MEGF8: variants seen among roughly 807,000 people sequenced by gnomAD.
MEGF8 encodes multiple epidermal growth factor-like domains protein 8.
Under a neutral mutation model 302.9 loss-of-function variants are expected in MEGF8, and 156 were observed. That is an observed-to-expected ratio of 0.52 (90% confidence interval 0.45 to 0.59). The LOEUF is 0.59. MEGF8 is among the 20% of genes least tolerant of loss of function. The pLI is 0.00. For synonymous variants in MEGF8, 1,621 were observed against 1,660.5 expected, an observed-to-expected ratio of 0.98 and a Z score of 0.58; for missense variants, 3,345 against 3,964.5, an observed-to-expected ratio of 0.84 and a Z score of 4.20.
chr19:42,355,045 C>T (rs1338202866), intron 23 of MEGF8, among the ~76,000 whole-genome samples: 1 of 152,142 alleles, frequency 6.6e-6, no homozygotes, highest in Non-Finnish European at 1.5e-5. Flanking sequence ...CAACTTCTGC[C>T]TCCTGGGCTC....
At position 42,335,291 on chromosome 19, in the gene MEGF8, C is replaced by G; in HGVS notation, c.740-6C>G. 6.2e-7 allele frequency: 1 copy of G among 1,614,050 alleles called. No homozygotes were observed. The highest frequency in any genetic ancestry group is 8.5e-7 in the Non-Finnish European group (1 of 1,179,888). On this transcript the variant is annotated splice_region_variant and splice_polypyrimidine_tract_variant and intron_variant, in intron 4 of 41. Coordinates refer to ENST00000251268, the MANE Select transcript of MEGF8 (RefSeq NM_001271938.2). ...CCAGGGCATGAGACTATCCACCCCTCCACAGGCCAGGACCTCAACAATGCC... is the reference window on the plus strand; with the variant it reads ...CCAGGGCATGAGACTATCCACCCCTGCACAGGCCAGGACCTCAACAATGCC...
intron 1 of MEGF8, among the ~76,000 whole-genome samples, chr19:42,330,984 G>A (rs1412410667): frequency 6.6e-6 from 1 of 152,198 alleles, no homozygotes; most frequent in Non-Finnish European, 1.5e-5. Context: ...TCCTAGGGTG[G>A]TAGGGAGCCA....
Position 42,353,614 on chromosome 19 carries a change from C to G in MEGF8, c.3700C>G (p.Gln1234Glu), listed in dbSNP as rs1219460439. 4 of 1,587,898 alleles carry G rather than the reference C, an allele frequency of 2.5e-6. No individual in the cohort carries two copies. Among genetic ancestry groups the G allele is most frequent in the Non-Finnish European group, 3.4e-6 (4 of 1,166,710 alleles). ...CDNLSGLCFC[Q>E]DHTEGAHCQL... is the part of the protein sequence containing the mutation. ...CAACCTCAGTGGGCTCTGCTTCTGC[C>G]AGGACCACACCGAGGGTGCCCACTG... Residue 1234 changes from glutamine to glutamate, a missense_variant, in exon 21 of 42, where the codon CAG becomes GAG. Physicochemically the swap from Gln to Glu is conservative, Grantham distance 29. Coordinates refer to ENST00000251268, the MANE Select transcript of MEGF8 (RefSeq NM_001271938.2). The surrounding 1 kb of genome is among the most constrained non-coding windows in gnomAD (Gnocchi z 6.1).
At chr19:42,340,566 T>C (rs906909731) in intron 8 of MEGF8, among the ~76,000 whole-genome samples, 26 of 152,190 alleles carry the variant, frequency 1.7e-4, no homozygotes, top group Middle Eastern at 3.4e-3. Flanking sequence ...GGGGTTTCAC[T>C]GTGTTGACCT....
chr19:42,371,364 G>T lies in MEGF8; in HGVS notation c.7151G>T (p.Gly2384Val), dbSNP rs1477205635. Residue 2384 changes from glycine (G) to valine (V), a missense_variant, in exon 41 of 42, where the codon GGC becomes GTC. Physicochemically the swap from Gly to Val is moderately radical, Grantham distance 109. Coordinates refer to ENST00000251268, the MANE Select transcript of MEGF8 (RefSeq NM_001271938.2). ...DGKCTKCQCNGHADTCNEQDG... is the reference protein window; with the variant it reads ...DGKCTKCQCNVHADTCNEQDG... Reference sequence around the variant, plus strand: ...TTCTTCCCCAGATGCCAGTGTAATGGCCACGCGGACACATGTAACGAGCAG... The same window carrying T: ...TTCTTCCCCAGATGCCAGTGTAATGTCCACGCGGACACATGTAACGAGCAG... 2 of 1,613,862 alleles carry T rather than the reference G, an allele frequency of 1.2e-6. No individual in the cohort carries two copies. The highest frequency in any genetic ancestry group is 1.7e-6 in the Non-Finnish European group (2 of 1,179,836).
At position 42,369,041 on chromosome 19, in the gene MEGF8, G is replaced by A. The variant is rs754479243; in HGVS notation, c.6641+39G>A. The A allele has an allele frequency of 3.1e-6, 5 of 1,605,322 alleles. No individual in the cohort carries two copies. The highest frequency in any genetic ancestry group is 4.2e-6 in the Non-Finnish European group (5 of 1,177,714). On this transcript the variant is annotated intron_variant, in intron 37 of 41. Transcript: ENST00000251268. This position sits in a 1 kb window ranked among gnomAD's most constrained non-coding sequence, Gnocchi z 5.7. The stretch of plus-strand genomic sequence containing the variant: ...CGGCGCTGGGGCCAGGCAGGCTAGG[G>A]TGGGAGAGTCTGTGGGGAGCAGTAA...
Position 42,376,007 on chromosome 19 carries a change from C to A in MEGF8, c.7770C>A (p.Arg2590=). 1 of 1,606,042 alleles carries A rather than the reference C, an allele frequency of 6.2e-7. No individual in the cohort carries two copies. The highest frequency in any genetic ancestry group is 1.1e-5 in the South Asian group (1 of 90,668). The part of the protein sequence containing the change: ...VTEPSAVLVV[R]GVRDRLVITY... Reference sequence around the variant, plus strand: ...AGCCGTCGGCAGTGCTGGTGGTCCGCGGCGTGCGGGACCGGCTGGTCATCA... The same window carrying A: ...AGCCGTCGGCAGTGCTGGTGGTCCGAGGCGTGCGGGACCGGCTGGTCATCA... The change falls in exon 42 of 42, where the codon CGC becomes CGA. Residue 2590 remains arginine (R), a synonymous_variant. Coordinates refer to ENST00000251268, the MANE Select transcript of MEGF8 (RefSeq NM_001271938.2). This position sits in a 1 kb window ranked among gnomAD's most constrained non-coding sequence, Gnocchi z 8.2.
intron 32 of MEGF8, among the ~76,000 whole-genome samples, chr19:42,361,388 A>G (rs1011514991): frequency 6.6e-6 from 1 of 152,084 alleles, no homozygotes; most frequent in African/African-American, 2.4e-5. Context: ...AGGAATGCAG[A>G]CATCCTGGAC....
chr19:42,360,243 T>C (rs2039511573), intron 31 of MEGF8, among the ~76,000 whole-genome samples: 1 of 152,012 alleles, frequency 6.6e-6, no homozygotes, highest in African/African-American at 2.4e-5. Flanking sequence ...GTCTCTCTTC[T>C]TATTTCCCTC....
In MEGF8 at chr19:42,349,524, A is replaced by T. The variant is rs1352538245; in HGVS notation, c.2324A>T (p.His775Leu). The change falls in exon 14 of 42, where the codon CAT becomes CTT. Residue 775 changes from histidine (H) to leucine (L), a missense_variant. His to Leu is a moderately conservative substitution (Grantham distance 99). Coordinates refer to ENST00000251268, the MANE Select transcript of MEGF8 (RefSeq NM_001271938.2). ...GAGGAGGTGGGGCGCTGGGTGGCTC[A>T]TCAGGAGAAGGAGACGCGGCGGCTG... is the stretch of plus-strand genomic sequence containing the variant. ...NMEEVGRWVA[H>L]QEKETRRLQR... 6.2e-7 allele frequency: 1 copy of T among 1,612,324 alleles called. No individual in the cohort carries two copies. Among genetic ancestry groups the T allele is most frequent in the East Asian group, 2.2e-5 (1 of 44,852 alleles).
rs2038981576 is a variant in MEGF8 at position 42,326,224 on chromosome 19, G to T, written c.-20G>T. ...TTTTACGGCCTGTCCCCGCTCTAAG[G>T]GTCAGTGCAGGAGGCGGCGATGGCC... is the stretch of plus-strand genomic sequence containing the variant. On this transcript the variant is annotated 5_prime_UTR_variant, in exon 1 of 42. Coordinates refer to ENST00000251268, the MANE Select transcript of MEGF8 (RefSeq NM_001271938.2). 1 of 1,492,366 alleles carries T rather than the reference G, an allele frequency of 6.7e-7. No individual in the cohort carries two copies. Among genetic ancestry groups the T allele is most frequent in the African/African-American group, 1.5e-5 (1 of 67,594 alleles). The allele number at this position is 1,492,366 out of a possible 1,614,324, so 92.4% of individuals were successfully genotyped here. A position where few individuals can be genotyped will look rare whatever the true frequency, so the allele number is the denominator to read the frequency against.
intron 2 of MEGF8, 31 bp from the exon 3 acceptor site, chr19:42,333,976 C>T (rs757706091): frequency 2.5e-6 from 4 of 1,600,052 alleles, no homozygotes; most frequent in Non-Finnish European, 3.4e-6. Context: ...CAGGCCCTGC[C>T]CACCTTACCC....
rs942968423 is a variant in MEGF8 at position 42,357,759 on chromosome 19, C to T, written c.5011+175C>T. 3.3e-5 allele frequency among the ~76,000 whole-genome samples: 5 copies of T among 152,126 alleles called. No homozygotes were observed. The highest frequency in any genetic ancestry group is 1.2e-4 in the African/African-American group (5 of 41,412). On this transcript the variant is annotated intron_variant, in intron 28 of 41. Transcript: ENST00000251268. This position sits in a 1 kb window ranked among gnomAD's most constrained non-coding sequence, Gnocchi z 5.2. ...TGTTCAGATTTTCTGACTGTCCTTCCCAGACTCCACAACTAACTGCCCACT... is the reference window on the plus strand; with the variant it reads ...TGTTCAGATTTTCTGACTGTCCTTCTCAGACTCCACAACTAACTGCCCACT...
At chr19:42,363,702 T>C (rs1360732252) in intron 35 of MEGF8, among the ~76,000 whole-genome samples, 1 of 152,196 alleles carries the variant, frequency 6.6e-6, no homozygotes, top group Non-Finnish European at 1.5e-5. Context: ...TCTCTACTTA[T>C]GGAACTTTTG....
At position 42,376,802 on chromosome 19, in the gene MEGF8, G is replaced by C; in HGVS notation, c.*27G>C. 1 of 1,424,732 alleles carries C rather than the reference G, an allele frequency of 7.0e-7. No individual in the cohort carries two copies. The highest frequency in any genetic ancestry group is 2.6e-5 in the East Asian group (1 of 38,480). 88.3% of individuals were successfully genotyped at this position (1,424,732 alleles called of 1,614,324 possible). A position where few individuals can be genotyped will look rare whatever the true frequency, so the allele number is the denominator to read the frequency against. ...ATGCCCAGGGTTCTCATCCACAGCA[G>C]CTGGGTCACCTGATAGGGCCGCCCT... On this transcript the variant is annotated 3_prime_UTR_variant, in exon 42 of 42. Transcript: ENST00000251268. This position sits in a 1 kb window ranked among gnomAD's most constrained non-coding sequence, Gnocchi z 8.2.
Position 42,348,312 on chromosome 19 carries a change from G to C in MEGF8, c.2138G>C (p.Ser713Thr). 6.5e-7 allele frequency: 1 copy of C among 1,537,608 alleles called. No homozygotes were observed. The highest frequency in any genetic ancestry group is 1.2e-5 in the South Asian group (1 of 84,070). The change falls in exon 13 of 42, where the codon AGC (serine) becomes ACC (threonine). Residue 713 changes from serine (S) to threonine (T), a missense_variant. By Grantham distance (58) the Ser-to-Thr change is moderately conservative. Transcript: ENST00000251268. ...AGCACGACCATCACCCTAACACCCA[G>C]CGCAGAGACAGATGTGTCCCTGGTC... ...VRSTTITLTPSAETDVSLVYR... is the reference protein window; with the variant it reads ...VRSTTITLTPTAETDVSLVYR...
At chr19:42,346,741 T>C (rs1163048110) in intron 12 of MEGF8, among the ~76,000 whole-genome samples, 1 of 151,860 alleles carries the variant, frequency 6.6e-6, no homozygotes, top group African/African-American at 2.4e-5. Flanking sequence ...TCCCAGCACT[T>C]TGTGAGGCCA....
Position 42,356,705 on chromosome 19 carries a change from C to T in MEGF8, c.4623-69C>T. 1 of 1,455,316 alleles carries T rather than the reference C, an allele frequency of 6.9e-7. No individual in the cohort carries two copies. The highest frequency in any genetic ancestry group is 9.2e-7 in the Non-Finnish European group (1 of 1,082,282). 90.2% of individuals were successfully genotyped at this position (1,455,316 alleles called of 1,614,324 possible). On this transcript the variant is annotated intron_variant, in intron 26 of 41. Coordinates refer to ENST00000251268, the MANE Select transcript of MEGF8 (RefSeq NM_001271938.2). The surrounding 1 kb of genome is among the most constrained non-coding windows in gnomAD (Gnocchi z 5.2). The stretch of plus-strand genomic sequence containing the variant: ...CCCCAGGGGATGCGGGGACATCTGT[C>T]AGGCAGGGTCACCTTGAAGGATGCT...
rs572873239 is a variant in MEGF8 at position 42,329,660 on chromosome 19, G to A, written c.187+3230G>A. Among the ~76,000 whole-genome samples the A allele has an allele frequency of 2.0e-5, 3 of 152,312 alleles. No homozygotes were observed. The South Asian group carries it at 6.2e-4, about 32-fold the overall frequency. On this transcript the variant is annotated intron_variant, in intron 1 of 41. Transcript: ENST00000251268. Reference sequence around the variant, plus strand: ...AAGGATTACTCGAGCCCAGGAGTTAGAGACTAGCCTGAACAACATGGTAAG... The same window carrying A: ...AAGGATTACTCGAGCCCAGGAGTTAAAGACTAGCCTGAACAACATGGTAAG...
Sources: gnomAD v4.1 joint callset for allele counts (sites outside exome capture counted in the v4.1 genomes callset) on GRCh38, gnomAD v4.1.1 for gene constraint, Gnocchi (gnomAD v3.1) non-coding constraint, MANE v1.5 for transcripts, NCBI Gene and HGNC (gene_info 2026-07-23, HGNC 2026-07-21) for gene names.